Variants in SLC27A6 observed in about 807,000 individuals in gnomAD.
SLC27A6 encodes long-chain fatty acid transport protein 6.
In SLC27A6, 74 loss-of-function variants were observed where a neutral mutation model predicts 63.9. The ratio of observed to expected loss-of-function variants is 1.16; its 90% CI spans 0.96 to 1.40. The LOEUF (loss-of-function observed/expected upper bound fraction) is 1.40, where lower values mean the gene tolerates loss of function less well. Ranked by LOEUF, SLC27A6 falls within the 40% of genes most tolerant of loss-of-function variation. The pLI, the probability that SLC27A6 is intolerant of heterozygous loss-of-function variation, is 0.00. For synonymous variants in SLC27A6, 287 were observed against 260.8 expected, an observed-to-expected ratio of 1.10 and a Z score of -0.97; for missense variants, 794 against 732.9, an observed-to-expected ratio of 1.08 and a Z score of -0.96.
intron 3 of SLC27A6, among the ~76,000 whole-genome samples, chr5:128,989,372 T>C (rs1348609556): frequency 6.6e-6 from 1 of 152,220 alleles, no homozygotes; most frequent in East Asian, 1.9e-4. Context: ...TGCAAGATTA[T>C]GTGTCAGTTT....
At chr5:129,008,609 A>G (rs1024286749) in intron 4 of SLC27A6, among the ~76,000 whole-genome samples, 1 of 152,242 alleles carries the variant, frequency 6.6e-6, no homozygotes, top group African/African-American at 2.4e-5. Context: ...ATGGCAGTGG[A>G]AAATCCAAGA....
chr5:128,988,350 C>T (rs530446148), intron 2 of SLC27A6, among the ~76,000 whole-genome samples: 9 of 152,270 alleles, frequency 5.9e-5, no homozygotes, highest in South Asian at 2.1e-4. Context: ...GAAAGGCCAA[C>T]GATAAAATTA....
chr5:129,020,727 A>G (rs748836381), intron 5 of SLC27A6, among the ~76,000 whole-genome samples: 14 of 152,268 alleles, frequency 9.2e-5, no homozygotes, highest in Non-Finnish European at 2.1e-4. Context: ...AACAGTCCCC[A>G]CAAGACCACT....
intron 4 of SLC27A6, among the ~76,000 whole-genome samples, chr5:129,002,214 T>C (rs1561622982): frequency 6.6e-6 from 1 of 152,260 alleles, no homozygotes; most frequent in Non-Finnish European, 1.5e-5. Flanking sequence ...ATTTTCTACA[T>C]GTTTGAATGT....
At chr5:129,007,462 A>T (rs1023689991) in intron 4 of SLC27A6, among the ~76,000 whole-genome samples, 3,259 of 147,582 alleles carry the variant, frequency 0.022, 124 homozygotes, top group African/African-American at 0.076. Context: ...AAAAAAAAAA[A>T]AAATATAATG....
chr5:129,001,123 G>C (rs3844183), intron 4 of SLC27A6, among the ~76,000 whole-genome samples: 34,984 of 151,982 alleles, frequency 0.23, 5,146 homozygotes, highest in East Asian at 0.71. Flanking sequence ...TGAGTTAAAG[G>C]CAACATTGAA....
At position 129,018,187 on chromosome 5, in the gene SLC27A6, G is replaced by A. The variant is rs576291644; in HGVS notation, c.1164+2108G>A. On this transcript the variant is annotated intron_variant, in intron 5 of 9. Coordinates refer to ENST00000262462, the MANE Select transcript of SLC27A6 (RefSeq NM_001017372.3). ...GAACTGCTTTTGAAGAGATCTTTAAGAATCCCATAATGCGAACTTTGGTGC... is the reference window on the plus strand; with the variant it reads ...GAACTGCTTTTGAAGAGATCTTTAAAAATCCCATAATGCGAACTTTGGTGC... Among the ~76,000 whole-genome samples the A allele has an allele frequency of 7.9e-5, 12 of 152,226 alleles. 2 individuals carry two copies. In the South Asian group the frequency reaches 2.3e-3, roughly 29 times the overall value.
chr5:128,995,424 G>A (rs1184703239), intron 4 of SLC27A6, among the ~76,000 whole-genome samples: 1 of 152,166 alleles, frequency 6.6e-6, no homozygotes, highest in Non-Finnish European at 1.5e-5. Flanking sequence ...TCTCTTTGAT[G>A]AGGGGGAGAG....
rs4068575 is a variant in SLC27A6, at chr5:129,006,071, GTTTTTTT to G, written c.970-9795_970-9789del. ...TAAAATTTTCATTCCTGTGCACACT[GTTTTTTT>G]TTTTTTTTTTTTTTTTTTGAGACGG... On this transcript the variant is annotated intron_variant, in intron 4 of 9. Transcript: ENST00000262462. Among the ~76,000 whole-genome samples, 121 of 60,110 alleles carry G rather than the reference GTTTTTTT, an allele frequency of 2.0e-3. 3 individuals are homozygous for G. Among genetic ancestry groups the G allele is most frequent in the Middle Eastern group, 0.016 (1 of 64 alleles). The allele number at this position is 60,110 out of a possible 152,430, so 39.4% of individuals were successfully genotyped here. A position where few individuals can be genotyped will look rare whatever the true frequency, so the allele number is the denominator to read the frequency against.
Position 128,966,547 on chromosome 5 carries a change from C to T in SLC27A6, c.410C>T (p.Thr137Ile). 2 of 1,581,670 alleles carry T rather than the reference C, an allele frequency of 1.3e-6. No individual in the cohort carries two copies. Among genetic ancestry groups the T allele is most frequent in the South Asian group, 2.4e-5 (2 of 84,356 alleles). The change falls in exon 1 of 10, where the codon ACC becomes ATC. Residue 137 changes from threonine (T) to isoleucine (I), a missense_variant. Physicochemically the swap from Thr to Ile is moderately conservative, Grantham distance 89 (BLOSUM62 -1). Coordinates refer to ENST00000262462, the MANE Select transcript of SLC27A6 (RefSeq NM_001017372.3). ...KLGCVVAFLN[T>I]NIRSNSLLNC... ...GGCTGCGTGGTGGCCTTTCTCAACA[C>T]CAACATTCGCTCCAACTCCCTCCTG...
At chr5:129,014,280 T>C (rs528637645) in intron 4 of SLC27A6, among the ~76,000 whole-genome samples, 1 of 152,278 alleles carries the variant, frequency 6.6e-6, no homozygotes, top group East Asian at 1.9e-4. Flanking sequence ...CAGCGTAGCC[T>C]CTAGGTGTGT....
chr5:128,982,799 G>A (rs1750638984), intron 1 of SLC27A6, among the ~76,000 whole-genome samples: 1 of 152,166 alleles, frequency 6.6e-6, no homozygotes, highest in African/African-American at 2.4e-5. Flanking sequence ...GTTAAGTAGA[G>A]CTAGGCATTT....
intron 2 of SLC27A6, among the ~76,000 whole-genome samples, chr5:128,986,647 C>T (rs1157319451): frequency 6.6e-6 from 1 of 152,014 alleles, no homozygotes; most frequent in Non-Finnish European, 1.5e-5. Context: ...CTACTCTGTC[C>T]AGACTGAGGG....
intron 4 of SLC27A6, among the ~76,000 whole-genome samples, chr5:128,997,069 CT>C (rs1314072961): frequency 6.6e-6 from 1 of 151,998 alleles, no homozygotes; most frequent in Non-Finnish European, 1.5e-5. Flanking sequence ...ATGTTTTCTC[CT>C]TTTCATGTCC....
chr5:129,001,011 T>C (rs1418698871), intron 4 of SLC27A6, among the ~76,000 whole-genome samples: 1 of 152,224 alleles, frequency 6.6e-6, no homozygotes, highest in Non-Finnish European at 1.5e-5. Flanking sequence ...GCTGTAACAC[T>C]TGAAATCACA....
intron 6 of SLC27A6, among the ~76,000 whole-genome samples, chr5:129,024,019 C>A (rs1392614668): frequency 6.6e-6 from 1 of 151,740 alleles, no homozygotes; most frequent in East Asian, 1.9e-4. Flanking sequence ...CAAATATTTT[C>A]TATCCAAGGT....
chr5:129,031,181 C>T (rs1752404305), intron 9 of SLC27A6, among the ~76,000 whole-genome samples: 1 of 152,006 alleles, frequency 6.6e-6, no homozygotes, highest in Non-Finnish European at 1.5e-5. Flanking sequence ...CTAAAAAGAA[C>T]ATGGACCATG....
rs1220101189 is a variant in SLC27A6 at position 128,966,533 on chromosome 5, G to A, written c.396G>A (p.Val132=). 1.3e-6 allele frequency: 2 copies of A among 1,592,936 alleles called. No individual in the cohort carries two copies. The highest frequency in any genetic ancestry group is 1.8e-5 in the Admixed American group (1 of 56,380). ...GCCTCGCCAAGCTGGGCTGCGTGGT[G>A]GCCTTTCTCAACACCAACATTCGCT... The part of the protein sequence containing the change: ...WFGLAKLGCV[V]AFLNTNIRSN... The change falls in exon 1 of 10, where the codon GTG becomes GTA. Residue 132 remains valine (V), a synonymous_variant. Transcript: ENST00000262462.
chr5:128,983,228 T>A (rs150107233), intron 1 of SLC27A6, among the ~76,000 whole-genome samples: 1 of 151,982 alleles, frequency 6.6e-6, no homozygotes, highest in Non-Finnish European at 1.5e-5. Context: ...AGAAAAAATA[T>A]AATTGCTTTA....
Sources: allele counts gnomAD v4.1 joint callset (sites outside exome capture counted in the v4.1 genomes callset), GRCh38; gene constraint gnomAD v4.1.1; transcripts MANE v1.5; gene names NCBI Gene and HGNC (gene_info 2026-07-23, HGNC 2026-07-21).